ALPL: variants seen among roughly 807,000 people sequenced by gnomAD.
ALPL encodes alkaline phosphatase, tissue-nonspecific isozyme.
Under a neutral mutation model 51.3 loss-of-function variants are expected in ALPL, and 42 were observed. The observed-to-expected ratio is 0.82, with a 90% CI of 0.64 to 1.06. The LOEUF (loss-of-function observed/expected upper bound fraction) is 1.06. Among genes scored for constraint, ALPL ranks in the 50% least tolerant of loss-of-function variants. ALPL has a pLI of 0.00. For synonymous variants in ALPL, 279 were observed against 296.4 expected (o/e 0.94, Z 0.60); for missense variants, 589 against 709.4 (o/e 0.83, Z 1.93).
At chr1:21,513,572 C>T (rs567280198) in intron 1 of ALPL, among the ~76,000 whole-genome samples, 1 of 152,164 alleles carries the variant, frequency 6.6e-6, no homozygotes, top group African/African-American at 2.4e-5. Context: ...GATGAGACTT[C>T]CCTAAGACTT....
chr1:21,574,861 GCCACCGC>G (rs1202396008), intron 9 of ALPL: 2 of 152,360 alleles, frequency 1.3e-5, no homozygotes, highest in African/African-American at 4.8e-5. Flanking sequence ...AGCCTGCCGG[GCCACCGC>G]GAGGCTCAGA....
Position 21,563,271 on chromosome 1 carries a change from G to A in ALPL, c.459G>A (p.Trp153Ter), listed in dbSNP as rs761836226. The part of the protein sequence containing the change: ...QGNEVTSILR[W>*]AKDAGKSVGI... Reference sequence around the variant, plus strand: ...ACGAGGTCACCTCCATCCTGCGCTGGGCCAAGGACGCTGGTGAGTCGGGGG... The same window carrying A: ...ACGAGGTCACCTCCATCCTGCGCTGAGCCAAGGACGCTGGTGAGTCGGGGG... Residue 153 changes from tryptophan to a stop codon, truncating the protein, a stop_gained, in exon 5 of 12, where the codon TGG becomes TGA. Transcript: ENST00000374840. LOFTEE classifies it high-confidence loss of function. 2 of 1,611,188 alleles carry A rather than the reference G, an allele frequency of 1.2e-6. No individual in the cohort carries two copies. The highest frequency in any genetic ancestry group is 1.7e-6 in the Non-Finnish European group (2 of 1,178,272).
intron 1 of ALPL, among the ~76,000 whole-genome samples, chr1:21,510,640 C>T (rs1643667755): frequency 6.6e-6 from 1 of 152,224 alleles, no homozygotes; most frequent in Admixed American, 6.5e-5. Flanking sequence ...TGAATCCAGA[C>T]TCCAAACTCT....
At chr1:21,546,921 G>T (rs927280177) in intron 1 of ALPL, among the ~76,000 whole-genome samples, 1 of 152,246 alleles carries the variant, frequency 6.6e-6, no homozygotes, top group African/African-American at 2.4e-5. Context: ...CCATAGATGG[G>T]CTGGAACAGC....
intron 2 of ALPL, among the ~76,000 whole-genome samples, chr1:21,558,487 C>T (rs371484584): frequency 8.1e-4 from 124 of 152,348 alleles, no homozygotes; most frequent in African/African-American, 2.2e-3. Flanking sequence ...CCTCTGGCCC[C>T]GGCCTTGCCC....
rs1558543646 is a variant in ALPL, at chr1:21,554,796, TCTG to T, written c.61+655_61+657del. Among the ~76,000 whole-genome samples the T allele has an allele frequency of 7.1e-4, 28 of 39,396 alleles. 2 individuals carry two copies. Among genetic ancestry groups the T allele is most frequent in the African/African-American group, 3.6e-3 (28 of 7,808 alleles). The allele number at this position is 39,396 out of a possible 152,430, so 25.8% of individuals were successfully genotyped here. The stretch of plus-strand genomic sequence containing the variant: ...TGAGCCACCGCGCCTGGCCTGTCTG[TCTG>T]TCTGTCTGTCTGTCTGTCTTTCTTT... On this transcript the variant is annotated intron_variant, in intron 2 of 11. Coordinates refer to ENST00000374840, the MANE Select transcript of ALPL (RefSeq NM_000478.6).
chr1:21,557,649 A>C (rs1644430570), intron 2 of ALPL, among the ~76,000 whole-genome samples: 2 of 152,240 alleles, frequency 1.3e-5, no homozygotes, highest in Non-Finnish European at 2.9e-5. Flanking sequence ...GGCTTACTGT[A>C]GCCTCAAACT....
rs1444381350 is a variant in ALPL at position 21,533,934 on chromosome 1, AAAAGAAGAAGAAG to A, written c.-104-20041_-104-20029del. On this transcript the variant is annotated intron_variant, in intron 1 of 11. Transcript: ENST00000374840. ...GTAAAACTCTTGTCTCAAAAAAAAA[AAAAGAAGAAGAAG>A]AAGAAGAAGAAGAAGATTAGACTGG... Among the ~76,000 whole-genome samples, 149 of 132,322 alleles carry A rather than the reference AAAAGAAGAAGAAG, an allele frequency of 1.1e-3. 2 individuals carry two copies. The highest frequency in any genetic ancestry group is 1.8e-3 in the South Asian group (7 of 3,914). 86.8% of individuals were successfully genotyped at this position (132,322 alleles called of 152,430 possible).
intron 2 of ALPL, among the ~76,000 whole-genome samples, chr1:21,555,886 T>C (rs1170709860): frequency 1.3e-5 from 2 of 152,110 alleles, no homozygotes; most frequent in Admixed American, 6.5e-5. Flanking sequence ...TTCTCCTGCC[T>C]CAGCCTCCCA....
upstream of ALPL, among the ~76,000 whole-genome samples, chr1:21,509,055 A>G (rs1243369130): frequency 1.3e-5 from 2 of 152,050 alleles, no homozygotes; most frequent in Non-Finnish European, 2.9e-5. The surrounding 1 kb of genome is among the most constrained non-coding windows in gnomAD (Gnocchi z 6.0). Flanking sequence ...CCACCAAGAG[A>G]CGCAGAAGGA....
chr1:21,563,194 G>GT lies in ALPL; in HGVS notation c.383dup (p.Val130GlyfsTer6). 6.2e-7 allele frequency: 1 copy of GT among 1,613,960 alleles called. No homozygotes were observed. On this transcript the variant is annotated frameshift_variant, in exon 5 of 12. Coordinates refer to ENST00000374840, the MANE Select transcript of ALPL (RefSeq NM_000478.6). LOFTEE classifies it high-confidence loss of function. ...TGGGGTGAAGGCCAATGAGGGCACCGTGGGGGTAAGCGCAGCCACTGAGCG... is the reference window on the plus strand; with the variant it reads ...TGGGGTGAAGGCCAATGAGGGCACCGTTGGGGGTAAGCGCAGCCACTGAGCG...
chr1:21,577,278 G>A (rs754980404), intron 11 of ALPL, 105 bp from the exon 12 acceptor site: 5 of 1,568,894 alleles, frequency 3.2e-6, no homozygotes, highest in Non-Finnish European at 4.4e-6. Context: ...TTCCTCTTCT[G>A]TGAAATGGGA....
chr1:21,520,373 TCCC>T (rs1275491003), intron 1 of ALPL, among the ~76,000 whole-genome samples: 1 of 151,688 alleles, frequency 6.6e-6, no homozygotes, highest in Non-Finnish European at 1.5e-5. Context: ...CAGGCAATCC[TCCC>T]ACCTCAGCTT....
At chr1:21,540,823 G>A (rs1644174128) in intron 1 of ALPL, among the ~76,000 whole-genome samples, 1 of 152,054 alleles carries the variant, frequency 6.6e-6, no homozygotes, top group African/African-American at 2.4e-5. Flanking sequence ...CCCATACCCT[G>A]TCCTAGACTT....
intron 10 of ALPL, among the ~76,000 whole-genome samples, chr1:21,576,291 A>ATGGG (rs1644735984): frequency 1.6e-5 from 1 of 64,062 alleles, no homozygotes; most frequent in African/African-American, 6.9e-5. Flanking sequence ...GGATGGGTGG[A>ATGGG]TGGATGGATG....
chr1:21,528,084 G>A (rs1025026866), intron 1 of ALPL, among the ~76,000 whole-genome samples: 7 of 151,070 alleles, frequency 4.6e-5, no homozygotes, highest in East Asian at 1.9e-4. Context: ...GTAGTGGCAC[G>A]ATCACTGCTC....
chr1:21,527,497 T>G (rs1374511053), intron 1 of ALPL, among the ~76,000 whole-genome samples: 12 of 152,118 alleles, frequency 7.9e-5, no homozygotes, highest in Non-Finnish European at 1.8e-4. Flanking sequence ...CGAGGGGCTG[T>G]CTTTTTGTAC....
At chr1:21,525,480 C>T (rs1643929545) in intron 1 of ALPL, among the ~76,000 whole-genome samples, 1 of 152,248 alleles carries the variant, frequency 6.6e-6, no homozygotes. Flanking sequence ...TCAGGAAATT[C>T]CTGATGGAGC....
intron 11 of ALPL, 33 bp downstream of exon 11, chr1:21,576,674 A>C (rs1644742223): frequency 6.2e-7 from 1 of 1,612,374 alleles, no homozygotes; most frequent in Non-Finnish European, 8.5e-7. Context: ...CTGGGAGGGG[A>C]CAGGGCACCC....
Sources: allele counts gnomAD v4.1 joint callset (sites outside exome capture counted in the v4.1 genomes callset), GRCh38; gene constraint gnomAD v4.1.1; non-coding constraint Gnocchi (gnomAD v3.1); transcripts MANE v1.5; gene names NCBI Gene and HGNC (gene_info 2026-07-23, HGNC 2026-07-21).